The following CHRM5 variants were observed in gnomAD, a reference collection of about 807,000 sequenced individuals.
The protein encoded by CHRM5 is muscarinic acetylcholine receptor M5.
In CHRM5, 18 loss-of-function variants were observed where a neutral mutation model predicts 39.0. That is an observed-to-expected ratio of 0.46 (90% CI 0.32 to 0.68). The LOEUF (loss-of-function observed/expected upper bound fraction) is 0.68. Among genes scored for constraint, CHRM5 ranks in the 30% least tolerant of loss-of-function variants. The probability of loss-of-function intolerance (pLI) is 0.04; values close to 1 mark genes in which losing one functional copy is unlikely to be tolerated. For missense variants in CHRM5, 515 were observed against 651.1 expected, an observed-to-expected ratio of 0.79 and a Z score of 2.28; for synonymous variants, 241 against 246.3, an observed-to-expected ratio of 0.98 and a Z score of 0.20.
In CHRM5 at chr15:34,019,761, C is replaced by T. The variant is rs76704382; in HGVS notation, c.-407-26779C>T. 3.1e-3 allele frequency among the ~76,000 whole-genome samples: 465 copies of T among 152,226 alleles called. 1 individual carries two copies. The highest frequency in any genetic ancestry group is 0.011 in the African/African-American group (444 of 41,524). On this transcript the variant is annotated intron_variant, in intron 1 of 2. Coordinates refer to ENST00000383263, the MANE Select transcript of CHRM5 (RefSeq NM_012125.4). ...CCAGGAGCAATATGTTATACCATAC[C>T]GCCTGGGTGTACAGTAGGCTACACC...
At chr15:33,996,447 A>C (rs1285680889) in intron 1 of CHRM5, among the ~76,000 whole-genome samples, 1 of 152,212 alleles carries the variant, frequency 6.6e-6, no homozygotes, top group Non-Finnish European at 1.5e-5. Context: ...CTGACACCTC[A>C]TACAGGCGGG....
rs1400892453 is a variant in CHRM5 at position 34,065,190 on chromosome 15, C to G, written c.*874C>G. On this transcript the variant is annotated 3_prime_UTR_variant, in exon 3 of 3. Coordinates refer to ENST00000383263, the MANE Select transcript of CHRM5 (RefSeq NM_012125.4). ...CCATTTGAACCCATTTATTTATGCT[C>G]TGTTCTTAGGAAGACTAATTGTGTA... 1 of 153,300 alleles carries G rather than the reference C, an allele frequency of 6.5e-6. No individual in the cohort carries two copies. The highest frequency in any genetic ancestry group is 1.5e-5 in the Non-Finnish European group (1 of 68,044). 9.5% of individuals were successfully genotyped at this position (153,300 alleles called of 1,614,324 possible).
intron 1 of CHRM5, among the ~76,000 whole-genome samples, chr15:33,978,921 G>C (rs868669344): frequency 1.3e-4 from 10 of 79,120 alleles, no homozygotes; most frequent in Admixed American, 1.3e-3. Context: ...AGAGATGTAT[G>C]TCCATGCCAG....
At position 34,012,700 on chromosome 15, in the gene CHRM5, G is replaced by A. The variant is rs539186322; in HGVS notation, c.-407-33840G>A. On this transcript the variant is annotated intron_variant, in intron 1 of 2. Transcript: ENST00000383263. ...CAGACCATTAAATAGCTGTCTTCTG[G>A]CCCACTTGAAGATATTTTCCAAACT... Among the ~76,000 whole-genome samples, 12 of 152,044 alleles carry A rather than the reference G, an allele frequency of 7.9e-5. No individual in the cohort carries two copies. In the South Asian group the frequency reaches 2.3e-3, roughly 29 times the overall value.
At chr15:33,981,925 A>G (rs1896167422) in intron 1 of CHRM5, among the ~76,000 whole-genome samples, 1 of 152,034 alleles carries the variant, frequency 6.6e-6, no homozygotes, top group South Asian at 2.1e-4. Flanking sequence ...ACCTCAGCTC[A>G]CTGCAACCTC....
chr15:34,011,772 C>T (rs1190060135), intron 1 of CHRM5, among the ~76,000 whole-genome samples: 4 of 152,100 alleles, frequency 2.6e-5, no homozygotes, highest in Admixed American at 6.6e-5. Context: ...GCTTCCAAGT[C>T]GGCTAAAACT....
chr15:34,001,319 G>A (rs919089554), intron 1 of CHRM5, among the ~76,000 whole-genome samples: 42 of 152,152 alleles, frequency 2.8e-4, no homozygotes, highest in African/African-American at 1.0e-3. Context: ...ACCATGCCCA[G>A]CCTGGACTAG....
intron 1 of CHRM5, among the ~76,000 whole-genome samples, chr15:34,002,570 A>C (rs1471950295): frequency 1.3e-5 from 2 of 152,098 alleles, no homozygotes; most frequent in Non-Finnish European, 2.9e-5. Context: ...AAAAACAAAA[A>C]CTTGGTGTTC....
intron 1 of CHRM5, among the ~76,000 whole-genome samples, chr15:34,015,036 GC>G (rs1368100946): frequency 6.6e-6 from 1 of 152,088 alleles, no homozygotes; most frequent in East Asian, 1.9e-4. Context: ...GAGTCCTGAA[GC>G]CTGAAAAGCT....
chr15:33,988,885 C>T (rs1021316996), intron 1 of CHRM5, among the ~76,000 whole-genome samples: 13 of 152,320 alleles, frequency 8.5e-5, no homozygotes, highest in Middle Eastern at 3.4e-3. Flanking sequence ...CCAACTATCC[C>T]TTGGATGCCC....
At chr15:34,006,098 TGAG>T (rs556002184) in intron 1 of CHRM5, among the ~76,000 whole-genome samples, 149 of 152,144 alleles carry the variant, frequency 9.8e-4, no homozygotes, top group African/African-American at 3.4e-3. Context: ...GATCACAAGG[TGAG>T]GAGATCGAGA....
At chr15:34,018,502 G>A (rs114536239) in intron 1 of CHRM5, 3,545 of 152,542 alleles carry the variant, frequency 0.023, 154 homozygotes, top group African/African-American at 0.08. Flanking sequence ...TGCGTCCAGA[G>A]TTGTTTGTTT....
At chr15:33,984,825 CA>C (rs1250219544) in intron 1 of CHRM5, among the ~76,000 whole-genome samples, 2 of 152,092 alleles carry the variant, frequency 1.3e-5, no homozygotes, top group Non-Finnish European at 2.9e-5. Context: ...TGCAGTAAAT[CA>C]CACCCAATAA....
intron 1 of CHRM5, among the ~76,000 whole-genome samples, chr15:34,030,881 G>C (rs1017454250): frequency 6.6e-6 from 1 of 151,570 alleles, no homozygotes; most frequent in Non-Finnish European, 1.5e-5. Context: ...CCCTCCCAAA[G>C]TGCTGGGATT....
At chr15:33,986,464 C>T (rs1052822554) in intron 1 of CHRM5, among the ~76,000 whole-genome samples, 2 of 151,974 alleles carry the variant, frequency 1.3e-5, no homozygotes, top group African/African-American at 4.8e-5. Flanking sequence ...TCTACAACTA[C>T]AGAATTTTAA....
At chr15:34,012,680 C>T (rs1390667926) in intron 1 of CHRM5, among the ~76,000 whole-genome samples, 6 of 152,128 alleles carry the variant, frequency 3.9e-5, no homozygotes. Context: ...AAAATCAGAC[C>T]ATTAAATAGC....
intron 1 of CHRM5, among the ~76,000 whole-genome samples, chr15:33,973,490 CA>C (rs1168906091): frequency 6.6e-6 from 1 of 152,196 alleles, no homozygotes; most frequent in Non-Finnish European, 1.5e-5. Flanking sequence ...AAGAGCTTCT[CA>C]TGCCTAGGAA....
At chr15:33,991,301 A>G (rs971269105) in intron 1 of CHRM5, 2 of 152,210 alleles carry the variant, frequency 1.3e-5, no homozygotes, top group Non-Finnish European at 1.5e-5. Context: ...TTGCAAAACA[A>G]GAATGAAGCA....
rs1444100602 is a variant in CHRM5 at position 33,981,118 on chromosome 15, T to C, written c.-408+11968T>C. Reference sequence around the variant, plus strand: ...TTTTGGACAGCAACCCCTCTTAATTTTCTCTCAAAATTGTGGAGAGAAAAT... The same window carrying C: ...TTTTGGACAGCAACCCCTCTTAATTCTCTCTCAAAATTGTGGAGAGAAAAT... On this transcript the variant is annotated intron_variant, in intron 1 of 2. Transcript: ENST00000383263. Among the ~76,000 whole-genome samples, 11 of 152,310 alleles carry C rather than the reference T, an allele frequency of 7.2e-5. No individual in the cohort carries two copies. The East Asian group carries it at 9.6e-4, about 13-fold the overall frequency.
Sources: allele counts gnomAD v4.1 joint callset (sites outside exome capture counted in the v4.1 genomes callset), GRCh38; gene constraint gnomAD v4.1.1; transcripts MANE v1.5; gene names NCBI Gene and HGNC (gene_info 2026-07-23, HGNC 2026-07-21).